Variants in DCAF8L2 observed in about 807,000 individuals in gnomAD.
The protein encoded by DCAF8L2 is DDB1- and CUL4-associated factor 8-like protein 2.
For synonymous variants in DCAF8L2, 200 were observed against 190.9 expected (o/e 1.05, Z -0.39); for missense variants, 430 against 490.7 (o/e 0.88, Z 1.17).
At chrX:27,703,057 C>T (rs1210064367) in intron 3 of DCAF8L2, among the ~76,000 whole-genome samples, 3 of 110,891 alleles carry the variant, frequency 2.7e-5, no homozygotes, top group African/African-American at 9.8e-5. Flanking sequence ...TAACAATGAA[C>T]AATCTGAAAA....
chrX:27,481,301 C>G, the DCAF8L2 span, among the ~76,000 whole-genome samples: 1 of 110,625 alleles, frequency 9.0e-6, no homozygotes, highest in Middle Eastern at 4.7e-3. Flanking sequence ...TCACTTGAAC[C>G]TAGGGGATGG....
At chrX:27,486,257 C>T in the DCAF8L2 span, among the ~76,000 whole-genome samples, 3 of 109,987 alleles carry the variant, frequency 2.7e-5, no homozygotes, top group Non-Finnish European at 3.8e-5. Flanking sequence ...CCACCCACCT[C>T]GGCCTCCCAA....
intron 2 of DCAF8L2, among the ~76,000 whole-genome samples, chrX:27,675,281 G>T (rs945483751): frequency 1.3e-4 from 15 of 111,152 alleles, no homozygotes; most frequent in African/African-American, 4.6e-4. Context: ...TGCTTGACTG[G>T]GAATCAGCAT....
At chrX:27,609,488 G>A (rs1927060761) in intron 1 of DCAF8L2, among the ~76,000 whole-genome samples, 1 of 111,050 alleles carries the variant, frequency 9.0e-6, no homozygotes, top group African/African-American at 3.3e-5. Flanking sequence ...AAAACAGCTA[G>A]TATAAAACAA....
At chrX:27,485,593 G>T in the DCAF8L2 span, among the ~76,000 whole-genome samples, 1 of 111,251 alleles carries the variant, frequency 9.0e-6, no homozygotes, top group Non-Finnish European at 1.9e-5. Flanking sequence ...TGAACAAGTT[G>T]ATAAAATAGA....
chrX:27,742,567 TCAAAAA>T (rs1208191032), intron 4 of DCAF8L2, among the ~76,000 whole-genome samples: 7 of 99,614 alleles, frequency 7.0e-5, no homozygotes, highest in Admixed American at 2.2e-4. Context: ...AGACTCCATC[TCAAAAA>T]CAAAAACAAA....
the DCAF8L2 span, among the ~76,000 whole-genome samples, chrX:27,575,707 T>A: frequency 1.8e-5 from 2 of 112,300 alleles, no homozygotes; most frequent in Non-Finnish European, 3.8e-5. Flanking sequence ...TTGGTTTCCA[T>A]TGAAGCTTGT....
intron 3 of DCAF8L2, among the ~76,000 whole-genome samples, chrX:27,715,366 CAAA>C (rs35269496): frequency 3.5e-5 from 2 of 57,007 alleles, no homozygotes; most frequent in Non-Finnish European, 3.2e-5. Flanking sequence ...GACTCCGTCT[CAAA>C]AAAAAAAAAA....
At chrX:27,493,870 T>C in the DCAF8L2 span, among the ~76,000 whole-genome samples, 2 of 111,264 alleles carry the variant, frequency 1.8e-5, no homozygotes, top group African/African-American at 6.5e-5. Flanking sequence ...TTGTGGGCTT[T>C]TGTTTCTGGC....
At chrX:27,476,770 T>C in the DCAF8L2 span, among the ~76,000 whole-genome samples, 2 of 112,042 alleles carry the variant, frequency 1.8e-5, no homozygotes, top group African/African-American at 6.5e-5. Flanking sequence ...AAAGAAACAC[T>C]GCAAAATTGG....
intron 4 of DCAF8L2, among the ~76,000 whole-genome samples, chrX:27,724,807 A>G (rs1017542575): frequency 2.7e-5 from 3 of 110,860 alleles, no homozygotes; most frequent in Admixed American, 9.7e-5. Context: ...GCCTGTTTGT[A>G]TATTCTAGGT....
chrX:27,475,158 A>C, the DCAF8L2 span, among the ~76,000 whole-genome samples: 1 of 109,371 alleles, frequency 9.1e-6, no homozygotes, highest in Non-Finnish European at 1.9e-5. Flanking sequence ...TTCATGAGTT[A>C]CTATTTAAGC....
chrX:27,534,312 T>G, the DCAF8L2 span, among the ~76,000 whole-genome samples: 3 of 112,368 alleles, frequency 2.7e-5, no homozygotes, highest in African/African-American at 9.7e-5. Context: ...GAAAACACAT[T>G]GTAAGTATTT....
the DCAF8L2 span, among the ~76,000 whole-genome samples, chrX:27,541,738 C>T: frequency 0.04 from 4,404 of 110,917 alleles, 224 homozygotes; most frequent in African/African-American, 0.14. Flanking sequence ...AGGATTGTTA[C>T]ATGGGTTTAT....
intron 2 of DCAF8L2, among the ~76,000 whole-genome samples, chrX:27,671,550 G>A (rs1204756426): frequency 9.0e-6 from 1 of 111,637 alleles, no homozygotes; most frequent in Admixed American, 9.6e-5. Flanking sequence ...AAATATTATA[G>A]TGAACATTTT....
chrX:27,730,237 A>C (rs1355018141), intron 4 of DCAF8L2, among the ~76,000 whole-genome samples: 1 of 111,709 alleles, frequency 9.0e-6, no homozygotes, highest in Admixed American at 9.5e-5. Context: ...GTCCTATGAT[A>C]TTTGAAATCA....
At chrX:27,533,071 T>A in the DCAF8L2 span, among the ~76,000 whole-genome samples, 1 of 99,552 alleles carries the variant, frequency 1.0e-5, no homozygotes, top group Non-Finnish European at 2.0e-5. Context: ...AGTGAGACTC[T>A]GTTTCAAAGA....
At chrX:27,502,708 A>G in the DCAF8L2 span, among the ~76,000 whole-genome samples, 2 of 110,694 alleles carry the variant, frequency 1.8e-5, no homozygotes, top group Non-Finnish European at 3.8e-5. Context: ...CTTGTCCCCT[A>G]TAGCAGAATT....
At chrX:27,579,419 G>A in the DCAF8L2 span, among the ~76,000 whole-genome samples, 176 of 110,009 alleles carry the variant, frequency 1.6e-3, no homozygotes, top group Non-Finnish European at 2.6e-3. Context: ...GGTGTAGGGG[G>A]AGGGAGAGTA....
Sources: allele counts gnomAD v4.1 joint callset (sites outside exome capture counted in the v4.1 genomes callset), GRCh38; gene constraint gnomAD v4.1.1; transcripts MANE v1.5; gene names NCBI Gene and HGNC (gene_info 2026-07-23, HGNC 2026-07-21).